Variants in KLHL13 observed in about 807,000 individuals in gnomAD.
The protein encoded by KLHL13 is kelch like family member 13.
A neutral mutation model predicts 37.1 loss-of-function variants in KLHL13; 10 were observed. The observed-to-expected ratio is 0.27, with a 90% CI of 0.17 to 0.46. The LOEUF is 0.46. Ranked by LOEUF, KLHL13 falls within the 20% of genes least tolerant of loss-of-function variation. The pLI, the probability that KLHL13 is intolerant of heterozygous loss-of-function variation, is 1.00. For synonymous variants in KLHL13, 163 were observed against 181.2 expected, an observed-to-expected ratio of 0.90 and a Z score of 0.81; for missense variants, 360 against 509.3, an observed-to-expected ratio of 0.71 and a Z score of 2.82.
At chrX:118,116,692 C>T (rs1163506609) in exon 1 of KLHL13, 1 of 111,678 alleles carries the variant, frequency 9.0e-6, no homozygotes, top group African/African-American at 3.3e-5. Context: ...AGAGCACGGA[C>T]CCTAACCCGA....
Position 118,041,658 on chromosome X carries a change from G to A in KLHL13, c.-56+74850C>T, listed in dbSNP as rs369950709. Among the ~76,000 whole-genome samples the A allele has an allele frequency of 2.0e-4, 22 of 111,867 alleles. No homozygotes were observed. The East Asian group carries it at 4.5e-3, about 23-fold the overall frequency. On this transcript the variant is annotated intron_variant, in intron 1 of 6. Transcript: ENST00000371882. ...TTATTTACACATTCAGTATTAAGCC[G>A]TCAACAGTTTAAATAATGAGTTATA...
At chrX:118,005,769 C>T (rs902335056) in intron 1 of KLHL13, among the ~76,000 whole-genome samples, 2 of 111,771 alleles carry the variant, frequency 1.8e-5, no homozygotes, top group Non-Finnish European at 3.8e-5. Flanking sequence ...GGCCAATGAC[C>T]GGCAGAACTG....
At chrX:117,995,494 C>T (rs1006303007) in intron 1 of KLHL13, among the ~76,000 whole-genome samples, 3 of 111,321 alleles carry the variant, frequency 2.7e-5, no homozygotes, top group Non-Finnish European at 1.9e-5. Flanking sequence ...AGGTTTGTTA[C>T]ATAAGTATAC....
intron 1 of KLHL13, chrX:117,946,831 A>G (rs1232738670): frequency 8.9e-6 from 1 of 112,115 alleles, no homozygotes; most frequent in East Asian, 2.8e-4. Flanking sequence ...CAAGAAAAAG[A>G]CCATACTAAA....
intron 1 of KLHL13, among the ~76,000 whole-genome samples, chrX:118,054,976 AC>A (rs1395519742): frequency 2.9e-5 from 3 of 103,358 alleles, no homozygotes; most frequent in East Asian, 3.1e-4. Flanking sequence ...AAAAAAAAAA[AC>A]TGGCAAATCA....
chrX:118,057,649 A>G (rs2054699460), intron 1 of KLHL13, among the ~76,000 whole-genome samples: 1 of 110,326 alleles, frequency 9.1e-6, no homozygotes, highest in Non-Finnish European at 1.9e-5. Flanking sequence ...TGAAACCCCC[A>G]TTTCTACTAA....
At chrX:118,095,317 G>T (rs1326134017) in intron 1 of KLHL13, among the ~76,000 whole-genome samples, 1 of 110,578 alleles carries the variant, frequency 9.0e-6, no homozygotes, top group Non-Finnish European at 1.9e-5. Context: ...ATGGTAAAGG[G>T]ATCAATTCAA....
chrX:118,078,124 C>T (rs1333352937), intron 1 of KLHL13, among the ~76,000 whole-genome samples: 4 of 111,545 alleles, frequency 3.6e-5, no homozygotes, highest in South Asian at 3.7e-4. Context: ...AATTAGTAGA[C>T]GCAGCAGAAG....
At position 117,945,569 on chromosome X, in the gene KLHL13, G is replaced by A. The variant is rs142579121; in HGVS notation, c.105C>T (p.Leu35=). ...TCATGTGTTGGTCTTCCTCTTCCACGAGAGATCTGAAAGTTTTTTTACATA... is the reference window on the plus strand; with the variant it reads ...TCATGTGTTGGTCTTCCTCTTCCACAAGAGATCTGAAAGTTTTTTTACATA... The change falls in exon 2 of 7, where the codon CTC becomes CTT. Residue 35 remains leucine (L), a synonymous_variant. Coordinates refer to ENST00000262820, the Ensembl canonical transcript of KLHL13. 1.9e-4 allele frequency: 222 copies of A among 1,194,055 alleles called. 1 individual carries two copies. In the East Asian group the frequency reaches 5.0e-3, roughly 27 times the overall value.
intron 1 of KLHL13, among the ~76,000 whole-genome samples, chrX:117,984,410 T>G (rs1368279930): frequency 9.0e-6 from 1 of 111,713 alleles, no homozygotes; most frequent in Non-Finnish European, 1.9e-5. Context: ...TTATCTCACT[T>G]TTTTTCAAAA....
intron 1 of KLHL13, chrX:117,983,454 G>A: frequency 2.9e-6 from 3 of 1,019,627 alleles, no homozygotes; most frequent in East Asian, 6.7e-5. Context: ...AAAAAGGTGA[G>A]GAAAAATGTA....
rs991886420 is a variant in KLHL13 at position 118,036,471 on chromosome X, G to A, written c.-56+80037C>T. On this transcript the variant is annotated intron_variant, in intron 1 of 6. Transcript: ENST00000371882. ...ACAACTATCTGATCTTTGACTAACC[G>A]GAGAAAAACAAGAAATGGGGAAAGG... Among the ~76,000 whole-genome samples, 879 of 110,949 alleles carry A rather than the reference G, an allele frequency of 7.9e-3. 7 individuals are homozygous for A. Among genetic ancestry groups the A allele is most frequent in the African/African-American group, 0.028 (843 of 30,426 alleles).
chrX:118,104,208 T>C (rs960402131), intron 1 of KLHL13, among the ~76,000 whole-genome samples: 1 of 110,273 alleles, frequency 9.1e-6, no homozygotes, highest in African/African-American at 3.3e-5. Context: ...GAAAACAGAA[T>C]GAAACCCTGT....
intron 1 of KLHL13, chrX:117,946,442 T>C (rs1277874728): frequency 8.9e-6 from 1 of 112,266 alleles, no homozygotes; most frequent in African/African-American, 3.2e-5. Context: ...ATACATTTGA[T>C]AGTTTAAAAA....
At chrX:118,116,914 C>T (rs1471570390), upstream of KLHL13, 12 of 91,885 alleles carry the variant, frequency 1.3e-4, no homozygotes, top group African/African-American at 4.9e-4. Flanking sequence ...GGGGTGGCCC[C>T]GGCGGCGCCT....
intron 1 of KLHL13, among the ~76,000 whole-genome samples, chrX:117,948,968 A>G (rs929238492): frequency 8.9e-6 from 1 of 112,286 alleles, no homozygotes; most frequent in Admixed American, 9.5e-5. Flanking sequence ...AAGGAAAAAA[A>G]GCCTAAGCCA....
Position 118,003,069 on chromosome X carries a change from T to TGA in KLHL13, c.-55-57496_-55-57495dup, listed in dbSNP as rs1397575400. 2.7e-4 allele frequency among the ~76,000 whole-genome samples: 30 copies of TGA among 112,500 alleles called. 1 individual carries two copies. The highest frequency in any genetic ancestry group is 7.5e-4 in the Admixed American group (8 of 10,660). On this transcript the variant is annotated intron_variant, in intron 1 of 6. Coordinates refer to the KLHL13 transcript ENST00000371882. ...TACCAAAATGAGAAGCAGCAGAAACTGAGGCTAGAAAGGAAATCTGAGAAC... is the reference window on the plus strand; with the variant it reads ...TACCAAAATGAGAAGCAGCAGAAACTGAGAGGCTAGAAAGGAAATCTGAGAAC...
At chrX:118,044,766 CCT>C (rs2054540280) in intron 1 of KLHL13, among the ~76,000 whole-genome samples, 1 of 111,836 alleles carries the variant, frequency 8.9e-6, no homozygotes, top group Admixed American at 9.5e-5. Context: ...AAATCTAAGA[CCT>C]CAAACTATGA....
intron 1 of KLHL13, among the ~76,000 whole-genome samples, chrX:117,961,227 G>T (rs1189156384): frequency 8.9e-6 from 1 of 111,732 alleles, no homozygotes; most frequent in East Asian, 2.8e-4. Context: ...TTTTTAATAA[G>T]ATTTCCAGGA....
Sources: gnomAD v4.1 joint callset for allele counts (sites outside exome capture counted in the v4.1 genomes callset) on GRCh38, gnomAD v4.1.1 for gene constraint, MANE v1.5 for transcripts, NCBI Gene and HGNC (gene_info 2026-07-23, HGNC 2026-07-21) for gene names.